Variants in ZNF385D observed in about 807,000 individuals in gnomAD.
The protein encoded by ZNF385D is zinc finger protein 659.
ZNF385D carries 15 observed loss-of-function variants against 35.8 expected under a neutral mutation model. The observed-to-expected ratio is 0.42, with a 90% CI of 0.28 to 0.64. ZNF385D has a LOEUF of 0.64. Ranked by LOEUF, ZNF385D falls within the 30% of genes least tolerant of loss-of-function variation. ZNF385D has a pLI of 0.23. For synonymous variants in ZNF385D, 212 were observed against 186.8 expected, an observed-to-expected ratio of 1.13 and a Z score of -1.10; for missense variants, 474 against 494.6, an observed-to-expected ratio of 0.96 and a Z score of 0.39.
At position 21,613,264 on chromosome 3, in the gene ZNF385D, A is replaced by T. The variant is rs376791012; in HGVS notation, c.166-48580T>A. 2.0e-5 allele frequency among the ~76,000 whole-genome samples: 3 copies of T among 152,212 alleles called. No individual in the cohort carries two copies. In the South Asian group the frequency reaches 6.2e-4, roughly 32 times the overall value. ...TATACCCAACTCAACTTCCCCCATG[A>T]GCCCTATTCTAAAAATGCCTGGGGC... On this transcript the variant is annotated intron_variant, in intron 2 of 7. Transcript: ENST00000281523.
At chr3:22,185,582 C>G (rs905449176) in intron 2 of ZNF385D, among the ~76,000 whole-genome samples, 8 of 152,154 alleles carry the variant, frequency 5.3e-5, no homozygotes, top group African/African-American at 1.9e-4. Flanking sequence ...ATTCTCCTAC[C>G]TCAGCCCCCT....
chr3:22,151,563 G>C (rs114587030), intron 3 of ZNF385D, among the ~76,000 whole-genome samples: 1 of 152,094 alleles, frequency 6.6e-6, no homozygotes, highest in Non-Finnish European at 1.5e-5. Context: ...CAAGGTCTGC[G>C]TGTGACTAAA....
intron 3 of ZNF385D, among the ~76,000 whole-genome samples, chr3:21,516,262 C>T (rs903913670): frequency 2.6e-5 from 4 of 152,154 alleles, no homozygotes; most frequent in Non-Finnish European, 2.9e-5. Flanking sequence ...TGCAGTACGA[C>T]GGTGTCAGTG....
At chr3:21,920,542 A>G (rs1332314773) in intron 3 of ZNF385D, among the ~76,000 whole-genome samples, 2 of 151,610 alleles carry the variant, frequency 1.3e-5, no homozygotes, top group Non-Finnish European at 2.9e-5. Context: ...ACATAGGCTT[A>G]AGCAAGCCCT....
intron 3 of ZNF385D, among the ~76,000 whole-genome samples, chr3:21,898,989 G>T (rs1419679154): frequency 6.6e-6 from 1 of 152,050 alleles, no homozygotes; most frequent in Non-Finnish European, 1.5e-5. Flanking sequence ...AAGCAATTAG[G>T]AATGAGATTA....
In ZNF385D at chr3:22,361,979, GA is replaced by G. The variant is rs201452323; in HGVS notation, c.106+10470del. On this transcript the variant is annotated intron_variant, in intron 2 of 5. Transcript: ENST00000494108. The stretch of plus-strand genomic sequence containing the variant: ...AAACATTTTGCTCTAAATAGACATA[GA>G]AATGTAAATCCCATCATTTCTAATG... 8.5e-3 allele frequency among the ~76,000 whole-genome samples: 1,288 copies of G among 151,772 alleles called. 17 individuals carry two copies. Among genetic ancestry groups the G allele is most frequent in the African/African-American group, 0.03 (1,238 of 41,472 alleles).
intron 3 of ZNF385D, among the ~76,000 whole-genome samples, chr3:22,126,827 T>C (rs1576364668): frequency 6.6e-6 from 1 of 152,106 alleles, no homozygotes; most frequent in East Asian, 1.9e-4. Flanking sequence ...GCTCTAATAG[T>C]ATTTGTTTTC....
intron 3 of ZNF385D, among the ~76,000 whole-genome samples, chr3:21,822,588 A>C (rs13086286): frequency 0.11 from 16,533 of 147,584 alleles, 1,190 homozygotes; most frequent in Non-Finnish European, 0.16. Flanking sequence ...TATATACTAC[A>C]TAGAAACTTC....
intron 2 of ZNF385D, among the ~76,000 whole-genome samples, chr3:22,290,231 T>C (rs1702231518): frequency 1.3e-5 from 2 of 152,136 alleles, no homozygotes; most frequent in Non-Finnish European, 2.9e-5. Context: ...CCTTCCTTAC[T>C]GGAATGGTGC....
intron 3 of ZNF385D, among the ~76,000 whole-genome samples, chr3:21,896,535 T>G (rs1014354110): frequency 1.3e-5 from 2 of 152,116 alleles, no homozygotes; most frequent in Non-Finnish European, 2.9e-5. Context: ...GGCCTTTTTT[T>G]CCCCCTGGTA....
chr3:21,618,441 T>C (rs545462727), intron 2 of ZNF385D, among the ~76,000 whole-genome samples: 27 of 152,300 alleles, frequency 1.8e-4, no homozygotes, highest in African/African-American at 6.3e-4. Context: ...GTTGGACTTC[T>C]GGCTTCCAGA....
intron 2 of ZNF385D, among the ~76,000 whole-genome samples, chr3:22,319,063 A>G (rs1338697594): frequency 1.3e-5 from 2 of 152,200 alleles, no homozygotes; most frequent in African/African-American, 2.4e-5. Flanking sequence ...TTCATAAAAT[A>G]TATCAAAAAT....
intron 2 of ZNF385D, among the ~76,000 whole-genome samples, chr3:22,328,273 C>G (rs2125455929): frequency 6.6e-6 from 1 of 151,758 alleles, no homozygotes; most frequent in South Asian, 2.1e-4. Flanking sequence ...TTTTTTTCTC[C>G]CCTTCTACAG....
At chr3:21,590,113 A>G in intron 2 of ZNF385D, among the ~76,000 whole-genome samples, 1 of 152,178 alleles carries the variant, frequency 6.6e-6, no homozygotes, top group East Asian at 1.9e-4. Flanking sequence ...TCTACAGTGG[A>G]ATAGACCTGT....
intron 3 of ZNF385D, among the ~76,000 whole-genome samples, chr3:21,767,250 G>T (rs555066048): frequency 1.3e-5 from 2 of 152,010 alleles, no homozygotes; most frequent in African/African-American, 4.8e-5. Flanking sequence ...TACGTCTTAG[G>T]TTTGTGTAAT....
At chr3:21,816,436 GTC>G (rs1325595974) in intron 3 of ZNF385D, among the ~76,000 whole-genome samples, 4 of 152,118 alleles carry the variant, frequency 2.6e-5, no homozygotes, top group Admixed American at 2.0e-4. Flanking sequence ...AAACCCCATT[GTC>G]TCAGCCCAAA....
At position 22,239,914 on chromosome 3, in the gene ZNF385D, C is replaced by T. The variant is rs377244020; in HGVS notation, c.107-70879G>A. On this transcript the variant is annotated intron_variant, in intron 2 of 5. Coordinates refer to the ZNF385D transcript ENST00000494108. Reference sequence around the variant, plus strand: ...ATTTCAGCCTGGGCATGGTTGCCCACGCCTATAATCACAGCACTTTGGGAG... The same window carrying T: ...ATTTCAGCCTGGGCATGGTTGCCCATGCCTATAATCACAGCACTTTGGGAG... Among the ~76,000 whole-genome samples, 37 of 150,594 alleles carry T rather than the reference C, an allele frequency of 2.5e-4. 2 individuals carry two copies. The East Asian group carries it at 4.7e-3, about 19-fold the overall frequency.
rs147035882 is a variant in ZNF385D at position 22,108,369 on chromosome 3, T to G, written c.325+60448A>C. Among the ~76,000 whole-genome samples, 74 of 130,058 alleles carry G rather than the reference T, an allele frequency of 5.7e-4. 1 individual carries two copies. In the East Asian group the frequency reaches 0.011, roughly 20 times the overall value. The allele number at this position is 130,058 out of a possible 152,430, so 85.3% of individuals were successfully genotyped here. On this transcript the variant is annotated intron_variant, in intron 3 of 5. Coordinates refer to the ZNF385D transcript ENST00000494108. Reference sequence around the variant, plus strand: ...TACATATAATGAAAGGTTTTTTTTGTTTTTTTTTTGCATGATCTGTCAAAA... The same window carrying G: ...TACATATAATGAAAGGTTTTTTTTGGTTTTTTTTTGCATGATCTGTCAAAA...
chr3:21,902,266 C>T (rs546580133), intron 3 of ZNF385D, among the ~76,000 whole-genome samples: 4 of 152,262 alleles, frequency 2.6e-5, no homozygotes, highest in South Asian at 2.1e-4. Flanking sequence ...AGGCCTCAAA[C>T]AGTAAAAATA....
Sources: allele counts gnomAD v4.1 joint callset (sites outside exome capture counted in the v4.1 genomes callset), GRCh38; gene constraint gnomAD v4.1.1; transcripts MANE v1.5; gene names NCBI Gene and HGNC (gene_info 2026-07-23, HGNC 2026-07-21).